MTHFD2: variants seen among roughly 807,000 people sequenced by gnomAD.
The protein encoded by MTHFD2 is methylenetetrahydrofolate dehydrogenase (NADP+ dependent) 2, methenyltetrahydrofolate cyclohydrolase, also known as bifunctional methylenetetrahydrofolate dehydrogenase/cyclohydrolase, mitochondrial.
MTHFD2 carries 26 observed loss-of-function variants against 36.8 expected under a neutral mutation model. The ratio of observed to expected loss-of-function variants is 0.71; its 90% CI spans 0.52 to 0.98. The LOEUF (loss-of-function observed/expected upper bound fraction) is 0.98. Among genes scored for constraint, MTHFD2 ranks in the 50% least tolerant of loss-of-function variants. The pLI, the probability that MTHFD2 is intolerant of heterozygous loss-of-function variation, is 0.00. For missense variants in MTHFD2, 373 were observed against 434.0 expected (o/e 0.86, Z 1.25); for synonymous variants, 164 against 155.2 (o/e 1.06, Z -0.42).
chr2:74,212,010 C>T (rs1323188253), intron 7 of MTHFD2, 144 bp downstream of exon 7: 19 of 657,318 alleles, frequency 2.9e-5, no homozygotes, highest in Admixed American at 1.7e-4. Context: ...AGTGCAGTGG[C>T]GCGATCTCGG....
chr2:74,215,189 AT>A lies in MTHFD2; in HGVS notation c.*953del, dbSNP rs1422187787. 1 of 152,560 alleles carries A rather than the reference AT, an allele frequency of 6.6e-6. No individual in the cohort carries two copies. The highest frequency in any genetic ancestry group is 2.4e-5 in the African/African-American group (1 of 41,436). 9.5% of individuals were successfully genotyped at this position (152,560 alleles called of 1,614,324 possible). On this transcript the variant is annotated 3_prime_UTR_variant, in exon 8 of 8. Transcript: ENST00000394053. ...ATGTATCCTGTTGACTTTTCCAGAA[AT>A]TTTTTAAGAGTTTGAGTTACTATTG... is the stretch of plus-strand genomic sequence containing the variant.
chr2:74,212,829 C>CT (rs1274748073), intron 7 of MTHFD2, among the ~76,000 whole-genome samples: 1 of 151,946 alleles, frequency 6.6e-6, no homozygotes, highest in Admixed American at 6.6e-5. Flanking sequence ...GATCACAGGC[C>CT]TAGAAAGTTA....
chr2:74,203,861 G>C (rs566593877), intron 1 of MTHFD2, among the ~76,000 whole-genome samples: 3,224 of 64,192 alleles, frequency 0.05, 141 homozygotes, highest in African/African-American at 0.21. Context: ...GTTTAGTTTA[G>C]TTTAGTTTAG....
chr2:74,207,263 G>A (rs1186105198), intron 2 of MTHFD2, among the ~76,000 whole-genome samples: 1 of 152,154 alleles, frequency 6.6e-6, no homozygotes, highest in African/African-American at 2.4e-5. Flanking sequence ...CAAGTAGCTG[G>A]GACTACAGGC....
At chr2:74,209,699 AGCCACC>A (rs1218313392) in intron 4 of MTHFD2, among the ~76,000 whole-genome samples, 4 of 152,102 alleles carry the variant, frequency 2.6e-5, no homozygotes, top group African/African-American at 9.7e-5. Flanking sequence ...TACAGGTGTG[AGCCACC>A]GCCCCAGCCC....
At chr2:74,206,058 CGG>C (rs1694173337) in intron 2 of MTHFD2, 169 bp downstream of exon 2, 1 of 643,210 alleles carries the variant, frequency 1.6e-6, no homozygotes, top group African/African-American at 1.8e-5. Flanking sequence ...CTATATCTTT[CGG>C]GGTTTATACA....
intron 5 of MTHFD2, among the ~76,000 whole-genome samples, 173 bp from the exon 6 acceptor site, chr2:74,211,026 C>G (rs1429633683): frequency 6.6e-6 from 1 of 152,198 alleles, no homozygotes; most frequent in East Asian, 1.9e-4. Flanking sequence ...ACCTGGTGAT[C>G]TGCCCACCTC....
chr2:74,210,785 G>GT (rs71406865), intron 5 of MTHFD2, among the ~76,000 whole-genome samples: 2,851 of 132,056 alleles, frequency 0.022, 115 homozygotes, highest in African/African-American at 0.045. Context: ...CATTAAGTCA[G>GT]TTTTTTTTTT....
rs1438911320 is a variant in MTHFD2, at chr2:74,215,633, G to GA, written c.*1392dup. 6.6e-6 allele frequency: 1 copy of GA among 152,436 alleles called. No individual in the cohort carries two copies. Among genetic ancestry groups the GA allele is most frequent in the Non-Finnish European group, 1.5e-5 (1 of 68,292 alleles). 9.4% of individuals were successfully genotyped at this position (152,436 alleles called of 1,614,324 possible). A position where few individuals can be genotyped will look rare whatever the true frequency, so the allele number is the denominator to read the frequency against. On this transcript the variant is annotated 3_prime_UTR_variant, in exon 8 of 8. Coordinates refer to ENST00000394053, the MANE Select transcript of MTHFD2 (RefSeq NM_006636.4). Reference sequence around the variant, plus strand: ...CTCTTTGTTTGTTTGTTTTGAGACTGAGTCTTGCTCTGTTGCCCAGGCTGG... The same window carrying GA: ...CTCTTTGTTTGTTTGTTTTGAGACTGAAGTCTTGCTCTGTTGCCCAGGCTGG...
At chr2:74,206,494 G>C (rs1694182695) in intron 2 of MTHFD2, 1 of 152,294 alleles carries the variant, frequency 6.6e-6, no homozygotes, top group Admixed American at 6.5e-5. Flanking sequence ...TGGGTGGGCA[G>C]GCTCAGATAT....
chr2:74,205,533 AG>A (rs1408513399), intron 1 of MTHFD2, among the ~76,000 whole-genome samples, 171 bp from the exon 2 acceptor site: 1 of 152,008 alleles, frequency 6.6e-6, no homozygotes, highest in Non-Finnish European at 1.5e-5. Flanking sequence ...TAGCAGAGAC[AG>A]GGTTTTGCCA....
At chr2:74,213,410 G>A (rs1694354875) in intron 7 of MTHFD2, among the ~76,000 whole-genome samples, 1 of 150,438 alleles carries the variant, frequency 6.6e-6, no homozygotes, top group Admixed American at 6.7e-5. Flanking sequence ...CTGAGTAGCT[G>A]GGACTATAGG....
At chr2:74,212,146 TC>T (rs1199872743) in intron 7 of MTHFD2, among the ~76,000 whole-genome samples, 1 of 141,680 alleles carries the variant, frequency 7.1e-6, no homozygotes, top group African/African-American at 2.7e-5. Context: ...TGCTTTTCCC[TC>T]CCTCTCTCCT....
chr2:74,216,802 TCTCA>T lies in MTHFD2; in HGVS notation c.*2563_*2566del, dbSNP rs1406510795. 1.3e-5 allele frequency: 2 copies of T among 152,142 alleles called. No homozygotes were observed. The highest frequency in any genetic ancestry group is 3.9e-4 in the East Asian group (2 of 5,184). 9.4% of individuals were successfully genotyped at this position (152,142 alleles called of 1,614,324 possible). On this transcript the variant is annotated 3_prime_UTR_variant, in exon 8 of 8. Coordinates refer to ENST00000394053, the MANE Select transcript of MTHFD2 (RefSeq NM_006636.4). Reference sequence around the variant, plus strand: ...TTTTAAACATTTGTTTAGAGATGGGTCTCACTATGTTGCCCAGGCTGGTCTTGAC... The same window carrying T: ...TTTTAAACATTTGTTTAGAGATGGGTCTATGTTGCCCAGGCTGGTCTTGAC...
chr2:74,204,928 T>C lies in MTHFD2; in HGVS notation c.102-777T>C, dbSNP rs374826655. On this transcript the variant is annotated intron_variant, in intron 1 of 7. Coordinates refer to ENST00000394053, the MANE Select transcript of MTHFD2 (RefSeq NM_006636.4). ...GCAACCTCTGCCTCCTGGTTTCAAGTGATTCTCCTGCCTCAGCCACCTGAG... is the reference window on the plus strand; with the variant it reads ...GCAACCTCTGCCTCCTGGTTTCAAGCGATTCTCCTGCCTCAGCCACCTGAG... Among the ~76,000 whole-genome samples the C allele has an allele frequency of 3.9e-5, 6 of 152,240 alleles. No individual in the cohort carries two copies. In the East Asian group the frequency reaches 9.6e-4, roughly 24 times the overall value.
At chr2:74,213,238 G>A (rs945592758) in intron 7 of MTHFD2, among the ~76,000 whole-genome samples, 12 of 143,522 alleles carry the variant, frequency 8.4e-5, no homozygotes, top group South Asian at 6.6e-4. Flanking sequence ...ATGTTTATCC[G>A]AGTTTTATGC....
At position 74,215,934 on chromosome 2, in the gene MTHFD2, G is replaced by A. The variant is rs1694432919; in HGVS notation, c.*1692G>A. On this transcript the variant is annotated 3_prime_UTR_variant, in exon 8 of 8. Transcript: ENST00000394053. ...TGTCCTACAGTCTTATATCACAACAGGTTGTGCCAAGCTAGGAGCTTAATC... is the reference window on the plus strand; with the variant it reads ...TGTCCTACAGTCTTATATCACAACAAGTTGTGCCAAGCTAGGAGCTTAATC... 1.3e-5 allele frequency: 2 copies of A among 152,224 alleles called. No individual in the cohort carries two copies. The highest frequency in any genetic ancestry group is 4.1e-4 in the South Asian group (2 of 4,828). The allele number at this position is 152,224 out of a possible 1,614,324, so 9.4% of individuals were successfully genotyped here. A position where few individuals can be genotyped will look rare whatever the true frequency, so the allele number is the denominator to read the frequency against.
At chr2:74,209,425 G>A (rs1005703209) in intron 4 of MTHFD2, among the ~76,000 whole-genome samples, 3 of 150,458 alleles carry the variant, frequency 2.0e-5, no homozygotes, top group African/African-American at 4.9e-5. Context: ...TTTTTTTCTC[G>A]TATTTTTAGT....
At position 74,214,140 on chromosome 2, in the gene MTHFD2, G is replaced by A. The variant is rs1446696632; in HGVS notation, c.951G>A (p.Val317=). ...CTGGAGGTGTTGGCCCCATGACAGT[G>A]GCAATGCTAATGAAGAATACCATTA... The part of the protein sequence containing the change: ...PVPGGVGPMT[V]AMLMKNTIIA... The change falls in exon 8 of 8, where the codon GTG becomes GTA. Residue 317 remains valine (V), a synonymous_variant. Coordinates refer to ENST00000394053, the MANE Select transcript of MTHFD2 (RefSeq NM_006636.4). 1.9e-6 allele frequency: 3 copies of A among 1,614,102 alleles called. No individual in the cohort carries two copies. Among genetic ancestry groups the A allele is most frequent in the Non-Finnish European group, 2.5e-6 (3 of 1,179,976 alleles).
Sources: gnomAD v4.1 joint callset for allele counts (sites outside exome capture counted in the v4.1 genomes callset) on GRCh38, gnomAD v4.1.1 for gene constraint, MANE v1.5 for transcripts, NCBI Gene and HGNC (gene_info 2026-07-23, HGNC 2026-07-21) for gene names.